BLACAT1: variants seen among roughly 807,000 people sequenced by gnomAD.
The protein encoded by BLACAT1 is BLACAT1 overlapping LEMD1 locus, also known as bladder cancer associated transcript 1.
intron 1 of BLACAT1, among the ~76,000 whole-genome samples, chr1:205,454,491 G>A (rs2102482408): frequency 6.6e-6 from 1 of 152,042 alleles, no homozygotes; most frequent in African/African-American, 2.4e-5. Context: ...CTCAGAGAGT[G>A]CCCAATACTA....
chr1:205,437,783 T>C (rs1219414330), downstream of BLACAT1: 1 of 152,166 alleles, frequency 6.6e-6, no homozygotes, highest in East Asian at 1.9e-4. Flanking sequence ...GTCTCAGAAA[T>C]AAGACATGAC....
Position 205,450,381 on chromosome 1 carries a change from C to CT in BLACAT1, c.-37+5535dup, listed in dbSNP as rs1666479238. On this transcript the variant is annotated intron_variant, in intron 1 of 1. Coordinates refer to ENST00000629624, the Ensembl canonical transcript of BLACAT1. The surrounding 1 kb of genome is among the most constrained non-coding windows in gnomAD (Gnocchi z 4.4). Reference sequence around the variant, plus strand: ...TCCTTCCCCTGCCGCTCCCCTCCAGCTTTTTTATAGTTTAATTTTTGGCAG... The same window carrying CT: ...TCCTTCCCCTGCCGCTCCCCTCCAGCTTTTTTTATAGTTTAATTTTTGGCAG... Among the ~76,000 whole-genome samples, 1 of 151,106 alleles carries CT rather than the reference C, an allele frequency of 6.6e-6. No individual in the cohort carries two copies. The highest frequency in any genetic ancestry group is 1.5e-5 in the Non-Finnish European group (1 of 67,770).
At chr1:205,451,077 A>G (rs1003534601) in intron 1 of BLACAT1, among the ~76,000 whole-genome samples, 2 of 152,156 alleles carry the variant, frequency 1.3e-5, no homozygotes, top group Non-Finnish European at 2.9e-5. Flanking sequence ...AAGGGGCCCA[A>G]GGGATATCCA....
At chr1:205,442,811 G>C (rs1666318643) in intron 1 of BLACAT1, among the ~76,000 whole-genome samples, 1 of 152,174 alleles carries the variant, frequency 6.6e-6, no homozygotes, top group Non-Finnish European at 1.5e-5. Context: ...ATCCCCTGCA[G>C]CTATCTCTGG....
At chr1:205,440,079 G>A (rs1401772837) in exon 2 of BLACAT1, among the ~76,000 whole-genome samples, 1 of 152,036 alleles carries the variant, frequency 6.6e-6, no homozygotes, top group Non-Finnish European at 1.5e-5. Context: ...GAGGAGAGAA[G>A]AAAAAGGCAG....
chr1:205,445,876 A>G (rs1272857846), intron 1 of BLACAT1, among the ~76,000 whole-genome samples: 1 of 152,134 alleles, frequency 6.6e-6, no homozygotes, highest in East Asian at 1.9e-4. Context: ...TTTTTTCCCC[A>G]ATAGTCTTTA....
Position 205,448,965 on chromosome 1 carries a change from C to T in BLACAT1, c.-37+6952G>A, listed in dbSNP as rs1666449974. ...AGGGGTGGGGGCTGGGCCAACCTAC[C>T]CAGACCAGTCTGGGTGGTTACCGAC... On this transcript the variant is annotated intron_variant, in intron 1 of 1. Transcript: ENST00000629624. This position sits in a 1 kb window ranked among gnomAD's most constrained non-coding sequence, Gnocchi z 4.7. Among the ~76,000 whole-genome samples the T allele has an allele frequency of 6.6e-6, 1 of 152,084 alleles. No homozygotes were observed. Among genetic ancestry groups the T allele is most frequent in the Non-Finnish European group, 1.5e-5 (1 of 68,008 alleles).
rs961823077 is a variant in BLACAT1, at chr1:205,448,974, T to C, written c.-37+6943A>G. ...GGCTGGGCCAACCTACCCAGACCAG[T>C]CTGGGTGGTTACCGACAACACCCAT... On this transcript the variant is annotated intron_variant, in intron 1 of 1. Transcript: ENST00000629624. The surrounding 1 kb of genome is among the most constrained non-coding windows in gnomAD (Gnocchi z 4.7). Among the ~76,000 whole-genome samples, 1 of 152,112 alleles carries C rather than the reference T, an allele frequency of 6.6e-6. No homozygotes were observed. Among genetic ancestry groups the C allele is most frequent in the Non-Finnish European group, 1.5e-5 (1 of 68,014 alleles).
rs190690869 is a variant in BLACAT1 at position 205,448,840 on chromosome 1, C to T, written c.-37+7077G>A. Among the ~76,000 whole-genome samples, 104 of 152,258 alleles carry T rather than the reference C, an allele frequency of 6.8e-4. No individual in the cohort carries two copies. The highest frequency in any genetic ancestry group is 6.8e-3 in the Middle Eastern group (2 of 294). On this transcript the variant is annotated intron_variant, in intron 1 of 1. Coordinates refer to ENST00000629624, the Ensembl canonical transcript of BLACAT1. This position sits in a 1 kb window ranked among gnomAD's most constrained non-coding sequence, Gnocchi z 4.7. ...AGCTTAACTCTTTCTAGTCCAGCCA[C>T]TGGAAGCACAGAGGGCAAAGGAGGG...
At position 205,451,928 on chromosome 1, in the gene BLACAT1, TGA is replaced by T. The variant is rs574252370; in HGVS notation, c.-37+3987_-37+3988del. Among the ~76,000 whole-genome samples, 53 of 151,830 alleles carry T rather than the reference TGA, an allele frequency of 3.5e-4. 1 individual carries two copies. The highest frequency in any genetic ancestry group is 1.2e-3 in the African/African-American group (51 of 41,396). On this transcript the variant is annotated intron_variant, in intron 1 of 1. Coordinates refer to ENST00000629624, the Ensembl canonical transcript of BLACAT1. ...CTTAGAGGAGAGGGTAGGAGAAGCC[TGA>T]GAGAGAGAAAGCAGAGAGCCAGAAA...
rs192408845 is a variant in BLACAT1 at position 205,450,992 on chromosome 1, C to T, written c.-37+4925G>A. On this transcript the variant is annotated intron_variant, in intron 1 of 1. Transcript: ENST00000629624. This position sits in a 1 kb window ranked among gnomAD's most constrained non-coding sequence, Gnocchi z 4.4. ...TCTCCTCAAGATGGGGCCATGCCCA[C>T]GATTCCTGTCTCCTCTGGGGCCACC... is the stretch of plus-strand genomic sequence containing the variant. 6.6e-5 allele frequency among the ~76,000 whole-genome samples: 10 copies of T among 152,332 alleles called. No homozygotes were observed. The East Asian group carries it at 1.2e-3, about 18-fold the overall frequency.
At chr1:205,453,958 C>T (rs371943253) in intron 1 of BLACAT1, among the ~76,000 whole-genome samples, 34 of 152,358 alleles carry the variant, frequency 2.2e-4, no homozygotes, top group African/African-American at 7.7e-4. Context: ...CCTGCCCCCA[C>T]CCCTTTTCTT....
At chr1:205,445,607 G>T (rs1399551909) in intron 1 of BLACAT1, among the ~76,000 whole-genome samples, 1 of 152,144 alleles carries the variant, frequency 6.6e-6, no homozygotes, top group Non-Finnish European at 1.5e-5. Context: ...TTTCCAGACT[G>T]CAAGGGCAGC....
chr1:205,448,458 C>T lies in BLACAT1; in HGVS notation c.-36-7396G>A, dbSNP rs74141216. ...GAGAAGCTGGGGCACCCGAGAAGCC[C>T]TCACTCCCCTTCTCAGCACCCCCGA... On this transcript the variant is annotated intron_variant, in intron 1 of 1. Transcript: ENST00000629624. The surrounding 1 kb of genome is among the most constrained non-coding windows in gnomAD (Gnocchi z 4.7). The T allele has an allele frequency of 0.13, 67,164 of 524,714 alleles. 4,646 individuals are homozygous for T. The highest frequency in any genetic ancestry group is 0.19 in the African/African-American group (9,726 of 51,724). The allele number at this position is 524,714 out of a possible 1,614,324, so 32.5% of individuals were successfully genotyped here.
chr1:205,439,558 G>A (rs1272679141), downstream of BLACAT1, among the ~76,000 whole-genome samples: 1 of 152,188 alleles, frequency 6.6e-6, no homozygotes, highest in African/African-American at 2.4e-5. Context: ...CTCCCTAGTT[G>A]CCCAGAGAGG....
In BLACAT1 at chr1:205,448,501, C is replaced by T; in HGVS notation, c.-37+7416G>A. On this transcript the variant is annotated intron_variant, in intron 1 of 1. Coordinates refer to ENST00000629624, the Ensembl canonical transcript of BLACAT1. This position sits in a 1 kb window ranked among gnomAD's most constrained non-coding sequence, Gnocchi z 4.7. ...ACCCCCGACCCCAGACCCACCCACA[C>T]TGCCTCCCTCCAGGACTGGGCCCCC... 2 of 452,422 alleles carry T rather than the reference C, an allele frequency of 4.4e-6. No individual in the cohort carries two copies. The highest frequency in any genetic ancestry group is 3.2e-5 in the South Asian group (2 of 63,424). 28.0% of individuals were successfully genotyped at this position (452,422 alleles called of 1,614,324 possible).
intron 1 of BLACAT1, among the ~76,000 whole-genome samples, chr1:205,451,495 G>C (rs1478031750): frequency 6.6e-6 from 1 of 152,146 alleles, no homozygotes; most frequent in Admixed American, 6.5e-5. Context: ...CACCCGCCCT[G>C]CTTGCCTGCC....
At chr1:205,453,144 C>T (rs1666518160) in intron 1 of BLACAT1, among the ~76,000 whole-genome samples, 1 of 152,084 alleles carries the variant, frequency 6.6e-6, no homozygotes, top group African/African-American at 2.4e-5. Context: ...TGCTATCTGC[C>T]CCAAACAAGC....
At chr1:205,449,951 A>G (rs1306429542) in intron 1 of BLACAT1, 1 of 151,892 alleles carries the variant, frequency 6.6e-6, no homozygotes, top group Non-Finnish European at 1.5e-5. Flanking sequence ...CCAGGCAGCC[A>G]CTCACTCCTC....
Sources: allele counts gnomAD v4.1 joint callset (sites outside exome capture counted in the v4.1 genomes callset), GRCh38; gene constraint gnomAD v4.1.1; non-coding constraint Gnocchi (gnomAD v3.1); transcripts MANE v1.5; gene names NCBI Gene and HGNC (gene_info 2026-07-23, HGNC 2026-07-21).